Variants in CMKLR1 observed in about 807,000 individuals in gnomAD.
CMKLR1 encodes chemerin-like receptor 1.
CMKLR1 carries 6 observed loss-of-function variants against 8.2 expected under a neutral mutation model. That is an observed-to-expected ratio of 0.73 (90% CI 0.40 to 1.44). The LOEUF is 1.44. CMKLR1 is among the 40% of genes most tolerant of loss of function. The pLI, the probability that CMKLR1 is intolerant of heterozygous loss-of-function variation, is 0.02. For missense variants in CMKLR1, 429 were observed against 478.0 expected, an observed-to-expected ratio of 0.90 and a Z score of 0.96; for synonymous variants, 178 against 181.2, an observed-to-expected ratio of 0.98 and a Z score of 0.14.
intron 2 of CMKLR1, among the ~76,000 whole-genome samples, chr12:108,313,395 G>T (rs780345831): frequency 1.9e-4 from 29 of 152,198 alleles, no homozygotes; most frequent in Non-Finnish European, 3.5e-4. Context: ...TACAGGAAAA[G>T]GGAAGTGGCT....
intron 2 of CMKLR1, chr12:108,317,741 T>G (rs1196544743): frequency 6.6e-6 from 1 of 152,230 alleles, no homozygotes; most frequent in Non-Finnish European, 1.5e-5. Flanking sequence ...TGAATTTAAA[T>G]TGCTGACCAG....
chr12:108,321,424 C>T (rs1891858836), intron 2 of CMKLR1, among the ~76,000 whole-genome samples: 2 of 151,878 alleles, frequency 1.3e-5, no homozygotes, highest in African/African-American at 4.8e-5. Flanking sequence ...AGAGTGAGAC[C>T]CTGTCTCCAA....
At chr12:108,328,397 G>A (rs567728983) in intron 2 of CMKLR1, among the ~76,000 whole-genome samples, 14 of 152,262 alleles carry the variant, frequency 9.2e-5, no homozygotes, top group Non-Finnish European at 1.8e-4. Context: ...CGGGCCACAC[G>A]TGATCTCGTT....
At chr12:108,330,384 T>C (rs1593180142) in intron 1 of CMKLR1, among the ~76,000 whole-genome samples, 177 bp from the exon 2 acceptor site, 1 of 152,234 alleles carries the variant, frequency 6.6e-6, no homozygotes, top group African/African-American at 2.4e-5. Context: ...TGCATAATTA[T>C]AAATGAATAA....
At chr12:108,335,143 C>T (rs1566032224) in intron 1 of CMKLR1, among the ~76,000 whole-genome samples, 1 of 152,208 alleles carries the variant, frequency 6.6e-6, no homozygotes, top group Non-Finnish European at 1.5e-5. Flanking sequence ...GAGGTCACCA[C>T]ATTTGTGACA....
At position 108,291,704 on chromosome 12, in the gene CMKLR1, A is replaced by G. The variant is rs889027997; in HGVS notation, c.*137T>C. ...GGGTTCCAGGCCCTAGATTCCCAGC[A>G]TAAAACACTGTTCATCCCATGCAAA... On this transcript the variant is annotated 3_prime_UTR_variant, in exon 4 of 4. Coordinates refer to ENST00000550402, the MANE Select transcript of CMKLR1 (RefSeq NM_001142343.2). 2 of 876,778 alleles carry G rather than the reference A, an allele frequency of 2.3e-6. No homozygotes were observed. Among genetic ancestry groups the G allele is most frequent in the African/African-American group, 1.7e-5 (1 of 59,302 alleles). The allele number at this position is 876,778 out of a possible 1,614,324, so 54.3% of individuals were successfully genotyped here. A position where few individuals can be genotyped will look rare whatever the true frequency, so the allele number is the denominator to read the frequency against.
intron 2 of CMKLR1, among the ~76,000 whole-genome samples, chr12:108,297,520 A>G (rs950574993): frequency 1.3e-5 from 2 of 152,198 alleles, no homozygotes; most frequent in African/African-American, 2.4e-5. Flanking sequence ...ATGTACATAC[A>G]TATAGTTAAC....
chr12:108,297,941 G>A (rs1157832089), intron 2 of CMKLR1, among the ~76,000 whole-genome samples: 1 of 152,166 alleles, frequency 6.6e-6, no homozygotes, highest in African/African-American at 2.4e-5. Flanking sequence ...GTAATTCCTA[G>A]TCAATGATGT....
chr12:108,300,907 G>A (rs1157464786), intron 2 of CMKLR1, among the ~76,000 whole-genome samples: 1 of 152,120 alleles, frequency 6.6e-6, no homozygotes, highest in Non-Finnish European at 1.5e-5. Flanking sequence ...TCACCCTACA[G>A]GGTCGGGACA....
chr12:108,316,927 T>C (rs924287207), intron 2 of CMKLR1, among the ~76,000 whole-genome samples: 3 of 152,066 alleles, frequency 2.0e-5, no homozygotes, highest in African/African-American at 4.8e-5. Flanking sequence ...GCCTCCTGAG[T>C]AGCTAGGACT....
At chr12:108,311,644 C>G (rs1233492494) in intron 2 of CMKLR1, among the ~76,000 whole-genome samples, 1 of 152,062 alleles carries the variant, frequency 6.6e-6, no homozygotes, top group Admixed American at 6.6e-5. Context: ...AAAAAAAGTG[C>G]CAGGGAAAGG....
At chr12:108,324,175 C>G (rs11113819) in intron 2 of CMKLR1, among the ~76,000 whole-genome samples, 57,394 of 152,050 alleles carry the variant, frequency 0.38, 11,250 homozygotes, top group Admixed American at 0.48. Flanking sequence ...CTGGGAGCTG[C>G]ATGTGATCAC....
intron 2 of CMKLR1, among the ~76,000 whole-genome samples, chr12:108,316,046 C>A (rs534418941): frequency 3.9e-3 from 600 of 152,304 alleles, no homozygotes; most frequent in South Asian, 6.6e-3. Context: ...GTGTTCCCCC[C>A]AGGAAGTTCA....
Position 108,291,587 on chromosome 12 carries a change from C to CT in CMKLR1, c.*253dup. ...GCTTTTGAGAATTCTTCCTTTTTTG[C>CT]TTTGAGTCAGTCAAGGCTGGCCTCC... On this transcript the variant is annotated 3_prime_UTR_variant, in exon 4 of 4. Coordinates refer to ENST00000550402, the MANE Select transcript of CMKLR1 (RefSeq NM_001142343.2). 1 of 466,972 alleles carries CT rather than the reference C, an allele frequency of 2.1e-6. No homozygotes were observed. Among genetic ancestry groups the CT allele is most frequent in the African/African-American group, 2.0e-5 (1 of 50,864 alleles). 28.9% of individuals were successfully genotyped at this position (466,972 alleles called of 1,614,324 possible). A position where few individuals can be genotyped will look rare whatever the true frequency, so the allele number is the denominator to read the frequency against.
intron 2 of CMKLR1, among the ~76,000 whole-genome samples, chr12:108,324,020 G>T (rs1189751551): frequency 6.6e-6 from 1 of 152,182 alleles, no homozygotes; most frequent in Non-Finnish European, 1.5e-5. Context: ...CCCTGTCAGA[G>T]ACCCAGCCCA....
At chr12:108,329,447 C>T (rs1011750037) in intron 2 of CMKLR1, among the ~76,000 whole-genome samples, 13 of 152,224 alleles carry the variant, frequency 8.5e-5, no homozygotes, top group African/African-American at 2.9e-4. Context: ...CGAATATATG[C>T]TTCCTTCTCG....
At chr12:108,303,395 T>C (rs1891328511) in intron 2 of CMKLR1, among the ~76,000 whole-genome samples, 1 of 152,246 alleles carries the variant, frequency 6.6e-6, no homozygotes, top group South Asian at 2.1e-4. Flanking sequence ...CCAATGGACA[T>C]TATTGGCTTA....
At chr12:108,335,402 C>T (rs1892197933) in intron 1 of CMKLR1, among the ~76,000 whole-genome samples, 1 of 152,156 alleles carries the variant, frequency 6.6e-6, no homozygotes, top group Non-Finnish European at 1.5e-5. Flanking sequence ...TGGCTGCAGA[C>T]AATGAGGATA....
chr12:108,297,751 T>C (rs1043461897), intron 2 of CMKLR1, among the ~76,000 whole-genome samples: 1 of 152,140 alleles, frequency 6.6e-6, no homozygotes, highest in African/African-American at 2.4e-5. Flanking sequence ...TCAGCTCTCA[T>C]CCCAACCACT....
Sources: gnomAD v4.1 joint callset for allele counts (sites outside exome capture counted in the v4.1 genomes callset) on GRCh38, gnomAD v4.1.1 for gene constraint, MANE v1.5 for transcripts, NCBI Gene and HGNC (gene_info 2026-07-23, HGNC 2026-07-21) for gene names.